The following TAFA1 variants were observed in gnomAD, a reference collection of about 807,000 sequenced individuals.
The protein encoded by TAFA1 is chemokine-like protein TAFA-1.
TAFA1 carries 4 observed loss-of-function variants against 18.5 expected under a neutral mutation model. That is an observed-to-expected ratio of 0.22 (90% CI 0.11 to 0.49). The LOEUF (loss-of-function observed/expected upper bound fraction) is 0.49, where lower values mean the gene tolerates loss of function less well. Among genes scored for constraint, TAFA1 ranks in the 20% least tolerant of loss-of-function variants. The probability of loss-of-function intolerance (pLI) is 0.98; values close to 1 mark genes in which losing one functional copy is unlikely to be tolerated. For synonymous variants in TAFA1, 56 were observed against 55.2 expected (o/e 1.01, Z -0.06); for missense variants, 147 against 169.0 (o/e 0.87, Z 0.72).
intron 3 of TAFA1, among the ~76,000 whole-genome samples, chr3:68,440,763 A>G (rs1292202916): frequency 1.1e-4 from 17 of 152,136 alleles, no homozygotes; most frequent in East Asian, 9.7e-4. Flanking sequence ...TATTCCACAC[A>G]TACTCTTCCT....
At chr3:68,466,058 A>C (rs1010991872) in intron 3 of TAFA1, among the ~76,000 whole-genome samples, 7 of 152,042 alleles carry the variant, frequency 4.6e-5, no homozygotes, top group African/African-American at 1.7e-4. Context: ...TTTGTACTTG[A>C]ACTTGTTGCT....
At chr3:68,372,464 A>C (rs1397168581) in intron 2 of TAFA1, among the ~76,000 whole-genome samples, 3 of 152,188 alleles carry the variant, frequency 2.0e-5, no homozygotes, top group African/African-American at 7.2e-5. Flanking sequence ...GTTAATGAGC[A>C]CTTTGATGAA....
At chr3:68,132,727 G>A (rs141526002) in intron 2 of TAFA1, among the ~76,000 whole-genome samples, 6,059 of 152,058 alleles carry the variant, frequency 0.04, 171 homozygotes, top group East Asian at 0.1. Context: ...GGGGTCATTT[G>A]TTTTTTTCTT....
At chr3:68,179,195 T>G (rs2066165256) in intron 2 of TAFA1, among the ~76,000 whole-genome samples, 2 of 152,232 alleles carry the variant, frequency 1.3e-5, no homozygotes, top group South Asian at 4.1e-4. Context: ...TTATGTCAAC[T>G]CATCTTCCCT....
At chr3:68,164,247 G>A (rs564154855) in intron 2 of TAFA1, among the ~76,000 whole-genome samples, 3 of 152,202 alleles carry the variant, frequency 2.0e-5, no homozygotes, top group East Asian at 1.9e-4. Context: ...CTTCACATAG[G>A]TCTTGCCTCT....
intron 3 of TAFA1, among the ~76,000 whole-genome samples, chr3:68,509,414 C>A (rs893595504): frequency 1.3e-5 from 2 of 152,062 alleles, no homozygotes; most frequent in African/African-American, 4.8e-5. Context: ...CCTTTGCAGG[C>A]CTGTCTCCTG....
chr3:68,223,493 T>C (rs1559564599), intron 2 of TAFA1, among the ~76,000 whole-genome samples: 1 of 152,086 alleles, frequency 6.6e-6, no homozygotes, highest in Non-Finnish European at 1.5e-5. Context: ...TATATGTATG[T>C]ATGTGTCTAC....
intron 2 of TAFA1, among the ~76,000 whole-genome samples, chr3:68,355,590 G>A (rs1289251580): frequency 2.6e-5 from 4 of 151,924 alleles, no homozygotes; most frequent in South Asian, 2.1e-4. Context: ...AAACCCCATA[G>A]TAGCCTTATA....
chr3:68,022,774 A>T (rs1379732157), intron 2 of TAFA1, among the ~76,000 whole-genome samples: 1 of 145,952 alleles, frequency 6.9e-6, no homozygotes, highest in East Asian at 2.0e-4. Flanking sequence ...CTTTGAAAAA[A>T]AATAGCACTT....
chr3:68,126,577 G>A (rs1227404236), intron 2 of TAFA1, among the ~76,000 whole-genome samples: 2 of 152,208 alleles, frequency 1.3e-5, no homozygotes, highest in Non-Finnish European at 2.9e-5. Context: ...TTATAAGTCA[G>A]CTACAATCAT....
chr3:68,405,586 G>C (rs2070585726), intron 2 of TAFA1, among the ~76,000 whole-genome samples: 1 of 151,220 alleles, frequency 6.6e-6, no homozygotes, highest in African/African-American at 2.4e-5. Flanking sequence ...TGCAGTTCCA[G>C]CTACATGGGA....
intron 2 of TAFA1, among the ~76,000 whole-genome samples, chr3:68,371,374 C>T (rs2069703263): frequency 1.3e-5 from 2 of 152,222 alleles, no homozygotes; most frequent in East Asian, 3.9e-4. Flanking sequence ...CTCTCTCTCC[C>T]CTTGCCCCCA....
chr3:68,341,456 G>A (rs2069081715), intron 2 of TAFA1, among the ~76,000 whole-genome samples: 4 of 152,132 alleles, frequency 2.6e-5, no homozygotes, highest in South Asian at 2.1e-4. Flanking sequence ...TTATTCCCAC[G>A]AGCAATTTGG....
chr3:68,513,058 ATG>A (rs1265857075), intron 3 of TAFA1, among the ~76,000 whole-genome samples: 1 of 152,112 alleles, frequency 6.6e-6, no homozygotes, highest in Non-Finnish European at 1.5e-5. Flanking sequence ...CATTAACATG[ATG>A]TGATTATCTG....
chr3:68,429,706 T>C (rs1265896271), intron 3 of TAFA1, among the ~76,000 whole-genome samples: 1 of 151,880 alleles, frequency 6.6e-6, no homozygotes, highest in Non-Finnish European at 1.5e-5. Flanking sequence ...TCTAGACTCA[T>C]ATCTCAACAC....
At chr3:68,232,443 A>T (rs2066883053) in intron 2 of TAFA1, among the ~76,000 whole-genome samples, 1 of 152,134 alleles carries the variant, frequency 6.6e-6, no homozygotes. Context: ...CATTTTGTTT[A>T]TCCGTTCATC....
Position 68,544,493 on chromosome 3 carries a change from C to G in TAFA1, c.392C>G (p.Pro131Arg). ...GTCTTTCTTTGGTTTCAGATTCACC[C>G]AAGAACCTAACAGAAGCATTTGTGG... The part of the protein sequence containing the change: ...GNKIKTTRIH[P>R]RT The change falls in exon 5 of 5, where the codon CCA becomes CGA. Residue 131 changes from proline to arginine, a missense_variant. Transcript: ENST00000478136. 1 of 1,612,360 alleles carries G rather than the reference C, an allele frequency of 6.2e-7. No individual in the cohort carries two copies.
At chr3:68,470,552 G>T (rs959138916) in intron 3 of TAFA1, among the ~76,000 whole-genome samples, 3 of 152,164 alleles carry the variant, frequency 2.0e-5, no homozygotes, top group Non-Finnish European at 4.4e-5. Context: ...TGAGAAAATT[G>T]TTGGGAACTG....
At chr3:68,038,093 C>T (rs1034508152) in intron 2 of TAFA1, among the ~76,000 whole-genome samples, 13 of 152,060 alleles carry the variant, frequency 8.5e-5, no homozygotes, top group South Asian at 2.1e-4. Flanking sequence ...AATCACAGGG[C>T]GATGCTGAAT....
Sources: gnomAD v4.1 joint callset for allele counts (sites outside exome capture counted in the v4.1 genomes callset) on GRCh38, gnomAD v4.1.1 for gene constraint, MANE v1.5 for transcripts, NCBI Gene and HGNC (gene_info 2026-07-23, HGNC 2026-07-21) for gene names.